Variants in IQCB1 observed in about 807,000 individuals in gnomAD.
IQCB1 encodes the protein IQ calmodulin-binding motif-containing protein 1.
In IQCB1, 56 loss-of-function variants were observed where a neutral mutation model predicts 84.4. The ratio of observed to expected loss-of-function variants is 0.66; its 90% confidence interval spans 0.54 to 0.83. The LOEUF (loss-of-function observed/expected upper bound fraction) is 0.83, where lower values mean the gene tolerates loss of function less well. Ranked by LOEUF, IQCB1 falls within the 40% of genes least tolerant of loss-of-function variation. The pLI is 0.00. For missense variants in IQCB1, 629 were observed against 682.1 expected, an observed-to-expected ratio of 0.92 and a Z score of 0.87; for synonymous variants, 210 against 234.8, an observed-to-expected ratio of 0.89 and a Z score of 0.96.
At chr3:121,831,405 A>G (rs1323769497) in intron 2 of IQCB1, among the ~76,000 whole-genome samples, 2 of 152,064 alleles carry the variant, frequency 1.3e-5, no homozygotes, top group Non-Finnish European at 2.9e-5. Context: ...ATATCTTTAT[A>G]ATAAACTGGA....
chr3:121,810,072 G>T (rs1949767266), intron 5 of IQCB1, among the ~76,000 whole-genome samples: 1 of 151,972 alleles, frequency 6.6e-6, no homozygotes, highest in Non-Finnish European at 1.5e-5. Context: ...AATTCTCATT[G>T]TTGTCAATCC....
intron 12 of IQCB1, among the ~76,000 whole-genome samples, chr3:121,785,994 C>G (rs1948693126): frequency 7.8e-6 from 1 of 128,730 alleles, no homozygotes; most frequent in African/African-American, 3.1e-5. Context: ...CACAGTGAGA[C>G]TTAGTCTCTA....
At chr3:121,815,685 GA>G (rs1339483200) in intron 5 of IQCB1, among the ~76,000 whole-genome samples, 30 of 151,890 alleles carry the variant, frequency 2.0e-4, no homozygotes, top group African/African-American at 6.5e-4. Context: ...AAATACCTAG[GA>G]ATACAACTTA....
chr3:121,780,302 T>C (rs568607435), intron 13 of IQCB1, among the ~76,000 whole-genome samples: 34 of 152,312 alleles, frequency 2.2e-4, no homozygotes, highest in African/African-American at 7.5e-4. Flanking sequence ...GAGATTATTG[T>C]TCTTTGTTGT....
rs1366463012 is a variant in IQCB1, at chr3:121,799,113, A to ATT, written c.766+82_766+83insAA. The ATT allele has an allele frequency of 3.0e-6, 3 of 1,005,572 alleles. No individual in the cohort carries two copies. In the South Asian group the frequency reaches 4.1e-5, roughly 14 times the overall value. The allele number at this position is 1,005,572 out of a possible 1,614,324, so 62.3% of individuals were successfully genotyped here. A position where few individuals can be genotyped will look rare whatever the true frequency, so the allele number is the denominator to read the frequency against. On this transcript the variant is annotated intron_variant, in intron 8 of 14. Coordinates refer to ENST00000310864, the MANE Select transcript of IQCB1 (RefSeq NM_001023570.4). ...ATAGGTCAGTTATCAACTCTTTAAA[A>ATT]TATAAGAATTTTGTTTTTCATAAAC...
At chr3:121,788,124 G>C (rs898939126) in intron 12 of IQCB1, among the ~76,000 whole-genome samples, 160 bp downstream of exon 12, 2 of 152,164 alleles carry the variant, frequency 1.3e-5, no homozygotes, top group Non-Finnish European at 2.9e-5. Context: ...AAATCAGCTC[G>C]GCCAGAGGTA....
At chr3:121,772,766 T>C (rs893800822) in intron 13 of IQCB1, 53 bp from the exon 14 acceptor site, 1 of 1,562,898 alleles carries the variant, frequency 6.4e-7, no homozygotes, top group Non-Finnish European at 8.8e-7. Flanking sequence ...GGTATCAAAG[T>C]ACCCAACCAC....
In IQCB1 at chr3:121,807,482, A is replaced by T. The variant is rs191058088; in HGVS notation, c.488-39T>A. 7.7e-5 allele frequency: 78 copies of T among 1,010,588 alleles called. No individual in the cohort carries two copies. The African/African-American group carries it at 1.1e-3, about 14-fold the overall frequency. 62.6% of individuals were successfully genotyped at this position (1,010,588 alleles called of 1,614,324 possible). The stretch of plus-strand genomic sequence containing the variant: ...AAAAAAAAGAAAGATTAAAGTAAAG[A>T]TTTTATGATAACAAAGGAAGATTTT... On this transcript the variant is annotated intron_variant, in intron 6 of 14. Transcript: ENST00000310864.
chr3:121,811,231 C>A (rs1046578662), intron 5 of IQCB1, among the ~76,000 whole-genome samples: 2 of 152,134 alleles, frequency 1.3e-5, no homozygotes, highest in African/African-American at 2.4e-5. Context: ...ACTGTGCTAT[C>A]TGGCCCAGAT....
At chr3:121,771,542 T>C (rs997667358) in intron 14 of IQCB1, among the ~76,000 whole-genome samples, 3 of 152,056 alleles carry the variant, frequency 2.0e-5, no homozygotes, top group African/African-American at 7.2e-5. Flanking sequence ...TTGGTCATGC[T>C]GGTCTCGAAC....
chr3:121,771,735 G>A (rs1158479780), intron 14 of IQCB1, among the ~76,000 whole-genome samples: 3 of 152,090 alleles, frequency 2.0e-5, no homozygotes, highest in African/African-American at 7.2e-5. Context: ...ACCAAGTAGT[G>A]GCCATTAAAT....
At chr3:121,780,007 G>T (rs947218818) in intron 13 of IQCB1, among the ~76,000 whole-genome samples, 2 of 152,128 alleles carry the variant, frequency 1.3e-5, no homozygotes, top group Admixed American at 1.3e-4. Flanking sequence ...CGATAATTTG[G>T]CTTTGGATAA....
chr3:121,792,297 T>C (rs1377954929), intron 10 of IQCB1, among the ~76,000 whole-genome samples: 1 of 152,026 alleles, frequency 6.6e-6, no homozygotes, highest in East Asian at 1.9e-4. Flanking sequence ...GGCTATCAAA[T>C]ATGGCAAAAA....
intron 10 of IQCB1, among the ~76,000 whole-genome samples, chr3:121,790,773 A>G (rs1416699437): frequency 7.4e-6 from 1 of 135,010 alleles, no homozygotes; most frequent in Admixed American, 7.9e-5. Context: ...AAAAACTTAC[A>G]TTTACTTACA....
chr3:121,832,612 C>T (rs569441348), intron 2 of IQCB1, among the ~76,000 whole-genome samples: 1 of 152,330 alleles, frequency 6.6e-6, no homozygotes, highest in East Asian at 1.9e-4. Flanking sequence ...CAGGCATGAG[C>T]CACAGCGCCC....
chr3:121,814,394 A>C (rs1949967278), intron 5 of IQCB1, among the ~76,000 whole-genome samples: 1 of 152,222 alleles, frequency 6.6e-6, no homozygotes, highest in African/African-American at 2.4e-5. Flanking sequence ...AAAAGCTAGC[A>C]GAAGACAAGA....
chr3:121,815,928 C>CAAAAAAAAAAAAAAAAAAAA, intron 5 of IQCB1, among the ~76,000 whole-genome samples: 1 of 88,776 alleles, frequency 1.1e-5, no homozygotes, highest in Non-Finnish European at 2.2e-5. Context: ...CATGTGGAAC[C>CAAAAAAAAAAAAAAAAAAAA]AAAAAAAAAA....
chr3:121,822,015 T>C lies in IQCB1; in HGVS notation c.393+4036A>G, dbSNP rs550744526. On this transcript the variant is annotated intron_variant, in intron 5 of 14. Coordinates refer to ENST00000310864, the MANE Select transcript of IQCB1 (RefSeq NM_001023570.4). ...TCTCCCACATAAAGGGAAATTCCTC[T>C]TGCCTGACTGCCTTTGAGTTGGGAC... Among the ~76,000 whole-genome samples, 5 of 152,356 alleles carry C rather than the reference T, an allele frequency of 3.3e-5. No individual in the cohort carries two copies. The South Asian group carries it at 1.0e-3, about 32-fold the overall frequency.
At chr3:121,781,696 C>T (rs377351632) in intron 13 of IQCB1, 47 bp downstream of exon 13, 4 of 1,518,800 alleles carry the variant, frequency 2.6e-6, no homozygotes, top group Non-Finnish European at 3.6e-6. Context: ...TTATCAATAT[C>T]ATGCATTGGA....
Sources: gnomAD v4.1 joint callset for allele counts (sites outside exome capture counted in the v4.1 genomes callset) on GRCh38, gnomAD v4.1.1 for gene constraint, MANE v1.5 for transcripts, NCBI Gene and HGNC (gene_info 2026-07-23, HGNC 2026-07-21) for gene names.